The following NKAIN2 variants were observed in gnomAD, a reference collection of about 807,000 sequenced individuals.
The protein encoded by NKAIN2 is sodium/potassium-transporting ATPase subunit beta-1-interacting protein 2.
A neutral mutation model predicts 32.6 loss-of-function variants in NKAIN2; 14 were observed. The observed-to-expected ratio is 0.43, with a 90% CI of 0.28 to 0.67. NKAIN2 has a LOEUF of 0.67. NKAIN2 is among the 30% of genes least tolerant of loss of function. The pLI is 0.17. For missense variants in NKAIN2, 198 were observed against 258.3 expected, an observed-to-expected ratio of 0.77 and a Z score of 1.60; for synonymous variants, 80 against 87.2, an observed-to-expected ratio of 0.92 and a Z score of 0.46.
At chr6:124,782,104 A>G (rs752690983) in intron 4 of NKAIN2, among the ~76,000 whole-genome samples, 18 of 152,122 alleles carry the variant, frequency 1.2e-4, no homozygotes, top group African/African-American at 4.1e-4. Context: ...AAAGGGACCA[A>G]TTGCTCTAAG....
intron 1 of NKAIN2, among the ~76,000 whole-genome samples, chr6:123,968,683 C>T (rs1778202557): frequency 6.6e-6 from 1 of 152,146 alleles, no homozygotes; most frequent in Non-Finnish European, 1.5e-5. Flanking sequence ...TCATGATAAA[C>T]TTATATCATT....
Position 124,354,878 on chromosome 6 carries a change from T to C in NKAIN2, c.193-389T>C, listed in dbSNP as rs186513202. 3.4e-5 allele frequency among the ~76,000 whole-genome samples: 5 copies of C among 147,094 alleles called. No homozygotes were observed. In the East Asian group the frequency reaches 1.0e-3, roughly 29 times the overall value. ...AAAAAAAAAACTCAACAGTCCAGTC[T>C]GGCCAACATGACAAAACCCCATCCC... On this transcript the variant is annotated intron_variant, in intron 2 of 6. Coordinates refer to ENST00000368417, the MANE Select transcript of NKAIN2 (RefSeq NM_001040214.3).
intron 1 of NKAIN2, among the ~76,000 whole-genome samples, chr6:123,922,818 T>C (rs190652679): frequency 9.2e-4 from 140 of 152,360 alleles, no homozygotes; most frequent in Middle Eastern, 3.4e-3. Flanking sequence ...AATTGGCCTC[T>C]TCTTACTTTA....
rs146674113 is a variant in NKAIN2, at chr6:124,555,115, A to G, written c.274-103071A>G. Among the ~76,000 whole-genome samples the G allele has an allele frequency of 2.8e-3, 430 of 152,336 alleles. 3 individuals are homozygous for G. The highest frequency in any genetic ancestry group is 9.7e-3 in the African/African-American group (402 of 41,576). On this transcript the variant is annotated intron_variant, in intron 3 of 6. Coordinates refer to ENST00000368417, the MANE Select transcript of NKAIN2 (RefSeq NM_001040214.3). ...AGGACCTCTAGCATGTTTCCCAGCCAGAATCTCAACTTCTTTCTAGGCCCT... is the reference window on the plus strand; with the variant it reads ...AGGACCTCTAGCATGTTTCCCAGCCGGAATCTCAACTTCTTTCTAGGCCCT...
Position 124,071,917 on chromosome 6 carries a change from G to T in NKAIN2, c.55-211088G>T, listed in dbSNP as rs147387240. 6.9e-3 allele frequency among the ~76,000 whole-genome samples: 1,047 copies of T among 152,206 alleles called. 8 individuals carry two copies. The highest frequency in any genetic ancestry group is 0.026 in the East Asian group (135 of 5,176). On this transcript the variant is annotated intron_variant, in intron 1 of 6. Coordinates refer to ENST00000368417, the MANE Select transcript of NKAIN2 (RefSeq NM_001040214.3). ...TCAGCCACGTTGAAAGCAGTTTGGA[G>T]ATTTCTCAAAGAACTTAAAACACAA...
chr6:124,644,378 T>C (rs1784092789), intron 3 of NKAIN2, among the ~76,000 whole-genome samples: 1 of 151,432 alleles, frequency 6.6e-6, no homozygotes, highest in Non-Finnish European at 1.5e-5. Flanking sequence ...GCATCCAGAG[T>C]GTAAAAGATT....
chr6:124,672,722 A>G (rs1256165882), intron 4 of NKAIN2, among the ~76,000 whole-genome samples: 1 of 152,056 alleles, frequency 6.6e-6, no homozygotes, highest in African/African-American at 2.4e-5. Flanking sequence ...GATATTAAAT[A>G]AAGTTAAAAA....
At chr6:124,220,537 G>GTA (rs3055327) in intron 1 of NKAIN2, among the ~76,000 whole-genome samples, 2,088 of 147,914 alleles carry the variant, frequency 0.014, 29 homozygotes, top group South Asian at 0.043. Context: ...ACATACATAT[G>GTA]TATATATATA....
At chr6:124,078,186 G>C (rs1783785100) in intron 1 of NKAIN2, among the ~76,000 whole-genome samples, 2 of 152,126 alleles carry the variant, frequency 1.3e-5, no homozygotes, top group Non-Finnish European at 1.5e-5. Flanking sequence ...AATTTTTCTA[G>C]AGAAGCATTT....
intron 1 of NKAIN2, among the ~76,000 whole-genome samples, chr6:124,198,796 T>C (rs936940459): frequency 9.9e-5 from 15 of 152,126 alleles, no homozygotes; most frequent in African/African-American, 3.6e-4. Context: ...TTGAGACAGT[T>C]TGTGTGTCCT....
chr6:124,081,339 G>A (rs908517642), intron 1 of NKAIN2, among the ~76,000 whole-genome samples: 73 of 152,104 alleles, frequency 4.8e-4, no homozygotes, highest in African/African-American at 1.5e-3. Flanking sequence ...TGTGATTGTT[G>A]AAATCAAATA....
chr6:124,584,102 T>TA (rs1401514794), intron 3 of NKAIN2, among the ~76,000 whole-genome samples: 1 of 152,094 alleles, frequency 6.6e-6, no homozygotes, highest in Non-Finnish European at 1.5e-5. Context: ...TCTTGAGTAA[T>TA]ACTGCAGAAG....
At chr6:123,968,075 G>T (rs563090944) in intron 1 of NKAIN2, among the ~76,000 whole-genome samples, 18 of 152,172 alleles carry the variant, frequency 1.2e-4, no homozygotes, top group Non-Finnish European at 2.2e-4. Flanking sequence ...GCAGGCAGCT[G>T]GAAAGCGCAG....
intron 1 of NKAIN2, among the ~76,000 whole-genome samples, chr6:123,811,451 A>AAG (rs899993465): frequency 1.6e-5 from 2 of 122,550 alleles, no homozygotes; most frequent in Non-Finnish European, 3.2e-5. Flanking sequence ...GGGAGAGAGA[A>AAG]AGAGAGAGAG....
intron 1 of NKAIN2, among the ~76,000 whole-genome samples, chr6:124,018,595 C>T (rs968095458): frequency 2.0e-5 from 3 of 152,088 alleles, no homozygotes; most frequent in Non-Finnish European, 4.4e-5. Context: ...AGAAGAAATT[C>T]CCCCAGTCTC....
chr6:124,394,002 G>C (rs1007218578), intron 3 of NKAIN2, among the ~76,000 whole-genome samples: 1 of 152,088 alleles, frequency 6.6e-6, no homozygotes, highest in East Asian at 1.9e-4. Flanking sequence ...GACTTATTGA[G>C]TTTAAAGTCT....
chr6:124,774,838 A>G (rs1056763503), intron 4 of NKAIN2, among the ~76,000 whole-genome samples: 5 of 148,938 alleles, frequency 3.4e-5, no homozygotes, highest in Non-Finnish European at 7.4e-5. Context: ...CATGGGCTAG[A>G]AGAGCAAAAC....
chr6:123,854,055 G>A (rs1474271983), intron 1 of NKAIN2, among the ~76,000 whole-genome samples: 1 of 152,056 alleles, frequency 6.6e-6, no homozygotes, highest in Non-Finnish European at 1.5e-5. Context: ...TTACAGGCAT[G>A]AGCCACCACA....
chr6:124,292,108 A>T (rs1038537973), intron 2 of NKAIN2, among the ~76,000 whole-genome samples: 1 of 152,082 alleles, frequency 6.6e-6, no homozygotes, highest in Admixed American at 6.6e-5. Flanking sequence ...ATTTATGAAA[A>T]ATCTCCTTGT....
Sources: allele counts gnomAD v4.1 joint callset (sites outside exome capture counted in the v4.1 genomes callset), GRCh38; gene constraint gnomAD v4.1.1; transcripts MANE v1.5; gene names NCBI Gene and HGNC (gene_info 2026-07-23, HGNC 2026-07-21).